Variants in PATZ1 observed in about 807,000 individuals in gnomAD.
PATZ1 encodes POZ/BTB and AT hook containing zinc finger 1.
In PATZ1, 9 loss-of-function variants were observed where a neutral mutation model predicts 46.2. The ratio of observed to expected loss-of-function variants is 0.19; its 90% CI spans 0.12 to 0.34. The LOEUF (loss-of-function observed/expected upper bound fraction) is 0.34, where lower values mean the gene tolerates loss of function less well. Ranked by LOEUF, PATZ1 falls within the 10% of genes least tolerant of loss-of-function variation. The probability of loss-of-function intolerance (pLI) is 1.00; values close to 1 mark genes in which losing one functional copy is unlikely to be tolerated. For synonymous variants in PATZ1, 426 were observed against 378.6 expected (o/e 1.13, Z -1.45); for missense variants, 632 against 923.0 (o/e 0.68, Z 4.08).
Position 31,326,750 on chromosome 22 carries a change from G to A in PATZ1, c.*141C>T. 1 of 649,924 alleles carries A rather than the reference G, an allele frequency of 1.5e-6. No individual in the cohort carries two copies. Among genetic ancestry groups the A allele is most frequent in the South Asian group, 2.0e-5 (1 of 48,822 alleles). The allele number at this position is 649,924 out of a possible 1,614,324, so 40.3% of individuals were successfully genotyped here. A position where few individuals can be genotyped will look rare whatever the true frequency, so the allele number is the denominator to read the frequency against. On this transcript the variant is annotated 3_prime_UTR_variant, in exon 5 of 5. Coordinates refer to ENST00000266269, the MANE Select transcript of PATZ1 (RefSeq NM_014323.3). Reference sequence around the variant, plus strand: ...CATTGGGAGAATGGGTGGTGGAGAAGGAGTTGGAGTGGGGTTGGGGGGCAG... The same window carrying A: ...CATTGGGAGAATGGGTGGTGGAGAAAGAGTTGGAGTGGGGTTGGGGGGCAG...
rs2049634864 is a variant in PATZ1, at chr22:31,345,075, G to A, written c.528C>T (p.Arg176=). The A allele has an allele frequency of 6.2e-7, 1 of 1,614,198 alleles. No homozygotes were observed. The highest frequency in any genetic ancestry group is 8.5e-7 in the Non-Finnish European group (1 of 1,180,022). Residue 176 remains arginine, a synonymous_variant, in exon 1 of 5, where the codon CGC becomes CGT. Transcript: ENST00000266269. The surrounding 1 kb of genome is among the most constrained non-coding windows in gnomAD (Gnocchi z 7.4). ...AGCCCAAGTCCGAGGTCCCAGGGGG[G>A]CGAAAGAGCATTATATCGGCGCGGG... ...PPARADIMLF[R]PPGTSDLGFP...
Position 31,344,987 on chromosome 22 carries a change from T to C in PATZ1, c.616A>G (p.Met206Val). ...AANSNGIAGS[M>V]QPEEEAARAA... ...CGAGCTGCCTCCTCCTCTGGCTGCATGCTGCCGGCGATGCCATTGCTGTTG... is the reference window on the plus strand; with the variant it reads ...CGAGCTGCCTCCTCCTCTGGCTGCACGCTGCCGGCGATGCCATTGCTGTTG... The change falls in exon 1 of 5, where the codon ATG becomes GTG. Residue 206 changes from methionine (M) to valine (V), a missense_variant. By Grantham distance (21) the Met-to-Val change is conservative. Coordinates refer to ENST00000266269, the MANE Select transcript of PATZ1 (RefSeq NM_014323.3). 6.2e-7 allele frequency: 1 copy of C among 1,614,040 alleles called. No individual in the cohort carries two copies. Among genetic ancestry groups the C allele is most frequent in the Middle Eastern group, 1.6e-4 (1 of 6,062 alleles).
At chr22:31,342,737 AAGG>A (rs1459820652) in intron 2 of PATZ1, among the ~76,000 whole-genome samples, 157 bp downstream of exon 2, 1 of 152,142 alleles carries the variant, frequency 6.6e-6, no homozygotes, top group African/African-American at 2.4e-5. Flanking sequence ...GGGAAGAACA[AAGG>A]AGGAGAGCAG....
At chr22:31,330,283 C>T (rs1440262402) in intron 3 of PATZ1, among the ~76,000 whole-genome samples, 7 of 130,914 alleles carry the variant, frequency 5.3e-5, no homozygotes, top group African/African-American at 1.8e-4. Flanking sequence ...ACTATTATAC[C>T]CATTTTACAG....
chr22:31,345,590 T>G lies in PATZ1; in HGVS notation c.13A>C (p.Asn5His). The change falls in exon 1 of 5, where the codon AAC (asparagine) becomes CAC (histidine). Residue 5 changes from asparagine to histidine, a missense_variant. Around this residue, in one of 7 missense-constraint regions of PATZ1, gnomAD observed 30 missense variants for 27.7 expected, o/e 1.08. Coordinates refer to ENST00000266269, the MANE Select transcript of PATZ1 (RefSeq NM_014323.3). This position sits in a 1 kb window ranked among gnomAD's most constrained non-coding sequence, Gnocchi z 7.4. MERVNDASCGPSGCY... is the reference protein window; with the variant it reads MERVHDASCGPSGCY... ...CCAGACGGGCCGCACGAAGCGTCGT[T>G]CACCCGCTCCATGGCCGCCGCCCCC... 1 of 1,592,618 alleles carries G rather than the reference T, an allele frequency of 6.3e-7. No individual in the cohort carries two copies. The highest frequency in any genetic ancestry group is 1.7e-4 in the Middle Eastern group (1 of 5,836).
intron 3 of PATZ1, among the ~76,000 whole-genome samples, chr22:31,332,710 A>T (rs1368394108): frequency 6.6e-6 from 1 of 152,264 alleles, no homozygotes; most frequent in East Asian, 1.9e-4. Flanking sequence ...GTCCAGGGGA[A>T]CAGCAGGTTC....
chr22:31,326,969 C>A lies in PATZ1; in HGVS notation c.1986G>T (p.Gln662His). The change falls in exon 5 of 5, where the codon CAG becomes CAT. Residue 662 changes from glutamine (Q) to histidine (H), a missense_variant. By Grantham distance (24) the Gln-to-His change is conservative. This residue lies in a region of PATZ1 where 176 missense variants were observed against 249.4 expected (regional missense o/e 0.71). Transcript: ENST00000266269. ...NMSLLESFGF[Q>H]IVQSAFASSL... Reference sequence around the variant, plus strand: ...ATGACGCAAATGCCGACTGAACAATCTGAAACCCAAAGGACTCGAGGAGAG... The same window carrying A: ...ATGACGCAAATGCCGACTGAACAATATGAAACCCAAAGGACTCGAGGAGAG... 1 of 1,614,216 alleles carries A rather than the reference C, an allele frequency of 6.2e-7. No individual in the cohort carries two copies. The highest frequency in any genetic ancestry group is 1.1e-5 in the South Asian group (1 of 91,084).
chr22:31,327,019 G>A lies in PATZ1; in HGVS notation c.1936C>T (p.Pro646Ser). Residue 646 changes from proline to serine, a missense_variant, in exon 5 of 5, where the codon CCT (proline) becomes TCT (serine). By Grantham distance (74) the Pro-to-Ser change is moderately conservative. This residue lies in a region of PATZ1 where 176 missense variants were observed against 249.4 expected (regional missense o/e 0.71). Coordinates refer to ENST00000266269, the MANE Select transcript of PATZ1 (RefSeq NM_014323.3). The surrounding 1 kb of genome is among the most constrained non-coding windows in gnomAD (Gnocchi z 4.2). ...GACATGTTCTGCTGAGGAGAGAAAG[G>A]TGAGCCAAGGGCAGGGCCCAGGTCC... ...LGDLGPALGSPFSPQQNMSLL... is the reference protein window; with the variant it reads ...LGDLGPALGSSFSPQQNMSLL... 1 of 1,614,260 alleles carries A rather than the reference G, an allele frequency of 6.2e-7. No individual in the cohort carries two copies. Among genetic ancestry groups the A allele is most frequent in the Non-Finnish European group, 8.5e-7 (1 of 1,180,046 alleles).
At chr22:31,341,484 G>A (rs758671568) in intron 2 of PATZ1, 24 of 1,613,156 alleles carry the variant, frequency 1.5e-5, no homozygotes, top group Non-Finnish European at 2.0e-5. Context: ...CGGCGGGGCT[G>A]GGCAGAAGAG....
At chr22:31,344,293 T>A in intron 1 of PATZ1, 39 bp downstream of exon 1, 2 of 1,537,924 alleles carry the variant, frequency 1.3e-6, no homozygotes, top group Non-Finnish European at 1.8e-6. Flanking sequence ...AGGACTAAGA[T>A]AACGTGTGGC....
Position 31,344,840 on chromosome 22 carries a change from C to A in PATZ1, c.763G>T (p.Ala255Ser). ...CCAGTCAGGGGAGGGGCACTGGATG[C>A]CACACTGGGGAATGGGGAAGTCAGC... Reference protein sequence around the residue: ...QLLTSPFPSVASSAPPLTGKR... With the variant: ...QLLTSPFPSVSSSAPPLTGKR... The change falls in exon 1 of 5, where the codon GCA becomes TCA. Residue 255 changes from alanine to serine, a missense_variant. Physicochemically the swap from Ala to Ser is moderately conservative, Grantham distance 99. This residue lies in a region of PATZ1 where 279 missense variants were observed against 284.3 expected (regional missense o/e 0.98). Transcript: ENST00000266269. 6.2e-7 allele frequency: 1 copy of A among 1,612,294 alleles called. No homozygotes were observed. Among genetic ancestry groups the A allele is most frequent in the Non-Finnish European group, 8.5e-7 (1 of 1,179,680 alleles).
At chr22:31,331,890 C>A (rs1016418159) in intron 3 of PATZ1, among the ~76,000 whole-genome samples, 2 of 152,148 alleles carry the variant, frequency 1.3e-5, no homozygotes, top group East Asian at 3.9e-4. Flanking sequence ...GCAGGCAGAT[C>A]ACCTGAGGTT....
Position 31,344,433 on chromosome 22 carries a change from C to T in PATZ1, c.1170G>A (p.Leu390=), listed in dbSNP as rs1398023503. The change falls in exon 1 of 5, where the codon TTG becomes TTA. Residue 390 remains leucine (L), a synonymous_variant. Transcript: ENST00000266269. ...ACATGCGGTCTTTTCTCTTGAACCGCAACCCACACACAGGGCAGGAGTAGG... is the reference window on the plus strand; with the variant it reads ...ACATGCGGTCTTTTCTCTTGAACCGTAACCCACACACAGGGCAGGAGTAGG... The part of the protein sequence containing the change: ...EKPYSCPVCG[L]RFKRKDRMSY... The T allele has an allele frequency of 6.2e-7, 1 of 1,614,252 alleles. No individual in the cohort carries two copies. Among genetic ancestry groups the T allele is most frequent in the East Asian group, 2.2e-5 (1 of 44,884 alleles).
At position 31,344,527 on chromosome 22, in the gene PATZ1, A is replaced by G. The variant is rs1450724213; in HGVS notation, c.1076T>C (p.Ile359Thr). 15 of 1,614,096 alleles carry G rather than the reference A, an allele frequency of 9.3e-6. 1 individual carries two copies. The South Asian group carries it at 1.4e-4, about 15-fold the overall frequency. Residue 359 changes from isoleucine to threonine, a missense_variant, in exon 1 of 5, where the codon ATC (isoleucine) becomes ACC (threonine). Around this residue, in one of 7 missense-constraint regions of PATZ1, gnomAD observed 279 missense variants for 284.3 expected, o/e 0.98. Transcript: ENST00000266269. The part of the protein sequence containing the change: ...SRTRKQVACE[I>T]CGKIFRDVYH... ...CACATCACGGAAGATCTTGCCGCAG[A>G]TCTCACAAGCCACCTGCTTCCTGGT...
chr22:31,344,201 T>G (rs1003642822), intron 1 of PATZ1, 131 bp downstream of exon 1: 12 of 820,812 alleles, frequency 1.5e-5, no homozygotes, highest in Non-Finnish European at 2.3e-5. Flanking sequence ...TTAAAAACAC[T>G]CTACCCAAAC....
At chr22:31,333,274 GT>G (rs2049464840) in intron 3 of PATZ1, among the ~76,000 whole-genome samples, 1 of 152,190 alleles carries the variant, frequency 6.6e-6, no homozygotes, top group South Asian at 2.1e-4. Context: ...GCACCTGGAA[GT>G]TCACCTGATT....
chr22:31,339,317 T>G (rs2049550856), intron 2 of PATZ1, among the ~76,000 whole-genome samples: 1 of 152,174 alleles, frequency 6.6e-6, no homozygotes, highest in South Asian at 2.1e-4. Context: ...TTCCCTGTGT[T>G]CAAAGCCAAG....
intron 1 of PATZ1, chr22:31,343,190 CTG>C (rs1353807742): frequency 7.8e-7 from 1 of 1,283,280 alleles, no homozygotes; most frequent in Non-Finnish European, 9.9e-7. Flanking sequence ...GCATTTGTCT[CTG>C]ATTTTGCCTC....
intron 2 of PATZ1, among the ~76,000 whole-genome samples, chr22:31,342,594 G>A (rs1381629827): frequency 2.6e-5 from 4 of 152,076 alleles, no homozygotes; most frequent in Admixed American, 6.5e-5. Flanking sequence ...TGTGTGATAC[G>A]GCCCACCATC....
Sources: allele counts gnomAD v4.1 joint callset (sites outside exome capture counted in the v4.1 genomes callset), GRCh38; gene constraint gnomAD v4.1.1; regional missense constraint gnomAD v4.1.1; non-coding constraint Gnocchi (gnomAD v3.1); transcripts MANE v1.5; gene names NCBI Gene and HGNC (gene_info 2026-07-23, HGNC 2026-07-21).